The following LRSAM1 variants were observed in gnomAD, a reference collection of about 807,000 sequenced individuals.
LRSAM1 encodes the protein E3 ubiquitin-protein ligase LRSAM1.
Under a neutral mutation model 118.1 loss-of-function variants are expected in LRSAM1, and 96 were observed. The ratio of observed to expected loss-of-function variants is 0.81; its 90% CI spans 0.69 to 0.96. The LOEUF is 0.96. Among genes scored for constraint, LRSAM1 ranks in the 40% least tolerant of loss-of-function variants. LRSAM1 has a pLI of 0.00. For synonymous variants in LRSAM1, 322 were observed against 364.2 expected, an observed-to-expected ratio of 0.88 and a Z score of 1.32; for missense variants, 804 against 915.5, an observed-to-expected ratio of 0.88 and a Z score of 1.57.
At chr9:127,478,852 C>T in intron 11 of LRSAM1, 82 bp from the exon 12 acceptor site, 1 of 1,412,492 alleles carries the variant, frequency 7.1e-7, no homozygotes. Flanking sequence ...TAACATCAGG[C>T]CACCCGGGGG....
In LRSAM1 at chr9:127,502,825, T is replaced by A; in HGVS notation, c.2098T>A (p.Cys700Ser). 6.2e-7 allele frequency: 1 copy of A among 1,611,546 alleles called. No individual in the cohort carries two copies. The highest frequency in any genetic ancestry group is 8.5e-7 in the Non-Finnish European group (1 of 1,179,638). ...CGHVCCCQQC[C>S]QPLRTCPLCR... ...CCACGTCTGCTGCTGCCAGCAGTGC[T>A]GCCAGCCACTGCGCACCTGCCCGCT... The change falls in exon 26 of 26, where the codon TGC becomes AGC. Residue 700 changes from cysteine to serine, a missense_variant. Cys to Ser is a moderately radical substitution (Grantham distance 112, BLOSUM62 -1). Coordinates refer to ENST00000300417, the MANE Select transcript of LRSAM1 (RefSeq NM_001005373.4).
intron 10 of LRSAM1, among the ~76,000 whole-genome samples, chr9:127,470,176 C>G (rs1277977528): frequency 6.6e-6 from 1 of 152,018 alleles, no homozygotes; most frequent in Admixed American, 6.6e-5. Context: ...AGTCTGTTCT[C>G]ACACCGCTAT....
chr9:127,458,106 C>A (rs1161456867), intron 6 of LRSAM1, among the ~76,000 whole-genome samples: 1 of 151,828 alleles, frequency 6.6e-6, no homozygotes, highest in Non-Finnish European at 1.5e-5. Context: ...AGCAGTCAGT[C>A]GTGGTGGCTC....
chr9:127,481,375 C>T, intron 15 of LRSAM1, 148 bp downstream of exon 15: 1 of 785,394 alleles, frequency 1.3e-6, no homozygotes, highest in Non-Finnish European at 2.1e-6. Flanking sequence ...GCCTCAGCCT[C>T]CCGAGTAGCT....
rs769751278 is a variant in LRSAM1, at chr9:127,491,257, G to A, written c.1465G>A (p.Glu489Lys). ...ETELLQLTQL[E>K]LKRKSLDTES... ...TGAGTTATTGCAGCTGACACAGCTG[G>A]AGTTAAAGAGGAAGTCCCTGGACAC... Residue 489 changes from glutamate (E) to lysine (K), a missense_variant, in exon 20 of 26, where the codon GAG becomes AAG. By Grantham distance (56) the Glu-to-Lys change is moderately conservative. Transcript: ENST00000300417. 3.1e-6 allele frequency: 5 copies of A among 1,613,934 alleles called. No individual in the cohort carries two copies. Among genetic ancestry groups the A allele is most frequent in the Non-Finnish European group, 4.2e-6 (5 of 1,180,022 alleles).
At chr9:127,476,158 T>G (rs1243847543) in intron 11 of LRSAM1, among the ~76,000 whole-genome samples, 1 of 152,154 alleles carries the variant, frequency 6.6e-6, no homozygotes, top group Non-Finnish European at 1.5e-5. Context: ...CAGCCTTATT[T>G]GTAGTATTGG....
chr9:127,468,810 CAAAAAAAAAAAAAAAA>C (rs1185949155), intron 10 of LRSAM1, among the ~76,000 whole-genome samples: 3 of 16,446 alleles, frequency 1.8e-4, no homozygotes, highest in Non-Finnish European at 4.2e-4. Flanking sequence ...CCTGTCTCTA[CAAAAAAAAAAAAAAAA>C]AAAAAAAAAA....
intron 4 of LRSAM1, 21 bp from the exon 5 acceptor site, chr9:127,455,555 C>T (rs763765654): frequency 6.2e-7 from 1 of 1,613,796 alleles, no homozygotes; most frequent in African/African-American, 1.3e-5. Context: ...GAGACACTTA[C>T]TCTTCTTTAT....
chr9:127,500,594 G>A (rs1054857735), intron 24 of LRSAM1, among the ~76,000 whole-genome samples: 1 of 152,148 alleles, frequency 6.6e-6, no homozygotes, highest in Non-Finnish European at 1.5e-5. Flanking sequence ...GCCCTTCACT[G>A]AGAGCTCCTG....
chr9:127,500,875 C>T, intron 24 of LRSAM1, 135 bp from the exon 25 acceptor site: 1 of 1,210,912 alleles, frequency 8.3e-7, no homozygotes, highest in Non-Finnish European at 1.2e-6. Context: ...AGAGCACTTC[C>T]CTCAGATCTG....
In LRSAM1 at chr9:127,497,256, G is replaced by A. The variant is rs1203313855; in HGVS notation, c.1834G>A (p.Gly612Ser). The change falls in exon 24 of 26, where the codon GGC becomes AGC. Residue 612 changes from glycine to serine, a missense_variant. Gly to Ser is a moderately conservative substitution (Grantham distance 56). Transcript: ENST00000300417. Reference protein sequence around the residue: ...QMSPGDLAKVGVSEAGLQHEI... With the variant: ...QMSPGDLAKVSVSEAGLQHEI... ...GCACTTCCTTGAACTGTCACAGGTG[G>A]GCGTCTCAGAAGCTGGCCTGCAGCA... The A allele has an allele frequency of 6.2e-7, 1 of 1,613,056 alleles. No homozygotes were observed. The highest frequency in any genetic ancestry group is 2.2e-5 in the East Asian group (1 of 44,884).
intron 25 of LRSAM1, among the ~76,000 whole-genome samples, chr9:127,501,514 C>G (rs1005957110): frequency 6.6e-6 from 1 of 152,032 alleles, no homozygotes; most frequent in African/African-American, 2.4e-5. Flanking sequence ...GGTGGATCAC[C>G]TGAGGTCAGG....
intron 16 of LRSAM1, among the ~76,000 whole-genome samples, chr9:127,484,818 T>C (rs527922318): frequency 6.7e-6 from 1 of 149,638 alleles, no homozygotes; most frequent in East Asian, 1.9e-4. Context: ...TTCTTTTTTT[T>C]TTTTTTTTGA....
At chr9:127,502,542 C>T (rs1350045791) in intron 25 of LRSAM1, among the ~76,000 whole-genome samples, 1 of 151,856 alleles carries the variant, frequency 6.6e-6, no homozygotes, top group Non-Finnish European at 1.5e-5. Context: ...AAAAATTTAG[C>T]CAGGTATGGT....
At chr9:127,488,755 A>AT (rs933735907) in intron 18 of LRSAM1, among the ~76,000 whole-genome samples, 30 of 147,338 alleles carry the variant, frequency 2.0e-4, no homozygotes, top group Non-Finnish European at 4.3e-4. Flanking sequence ...TGCCCAGCTA[A>AT]TTTTTTTTTA....
rs772067610 is a variant in LRSAM1 at position 127,481,198 on chromosome 9, C to T, written c.1059C>T (p.Ser353=). ...TTCTCCACAGACAAAAGAAAAGCTC[C>T]GAGATTTTGAAATCGCTGGAAAATG... ...LQDNQRQKKS[S]EILKSLENER... is the part of the protein sequence containing the mutation. Residue 353 remains serine, a synonymous_variant, in exon 15 of 26, where the codon TCC becomes TCT. Coordinates refer to ENST00000300417, the MANE Select transcript of LRSAM1 (RefSeq NM_001005373.4). The T allele has an allele frequency of 1.7e-5, 28 of 1,613,588 alleles. No individual in the cohort carries two copies. In the Admixed American group the frequency reaches 4.0e-4, roughly 23 times the overall value.
chr9:127,468,055 G>C (rs1182310408), intron 10 of LRSAM1, among the ~76,000 whole-genome samples: 4 of 152,212 alleles, frequency 2.6e-5, no homozygotes, highest in Non-Finnish European at 5.9e-5. Flanking sequence ...TTTAGGTTGG[G>C]GCCACAGGGA....
At chr9:127,481,292 C>T (rs1344145349) in intron 15 of LRSAM1, 65 bp downstream of exon 15, 8 of 1,545,788 alleles carry the variant, frequency 5.2e-6, no homozygotes, top group African/African-American at 1.4e-5. Flanking sequence ...CCTGCACTGT[C>T]GCCAGGCTGG....
chr9:127,500,973 A>G (rs868179236), intron 24 of LRSAM1, 37 bp from the exon 25 acceptor site: 3 of 1,613,426 alleles, frequency 1.9e-6, no homozygotes, highest in African/African-American at 2.7e-5. Context: ...GTCAGCGGAG[A>G]TGACCCTGGC....
Sources: gnomAD v4.1 joint callset for allele counts (sites outside exome capture counted in the v4.1 genomes callset) on GRCh38, gnomAD v4.1.1 for gene constraint, MANE v1.5 for transcripts, NCBI Gene and HGNC (gene_info 2026-07-23, HGNC 2026-07-21) for gene names.